DYNLT2: variants seen among roughly 807,000 people sequenced by gnomAD.
The protein encoded by DYNLT2 is dynein light chain Tctex-type 2.
DYNLT2 carries 24 observed loss-of-function variants against 24.3 expected under a neutral mutation model. That is an observed-to-expected ratio of 0.99 (90% CI 0.71 to 1.39). The LOEUF is 1.39. Ranked by LOEUF, DYNLT2 falls within the 40% of genes most tolerant of loss-of-function variation. DYNLT2 has a pLI of 0.00. For synonymous variants in DYNLT2, 85 were observed against 85.4 expected, an observed-to-expected ratio of 1.00 and a Z score of 0.03; for missense variants, 246 against 234.5, an observed-to-expected ratio of 1.05 and a Z score of -0.32.
chr6:169,731,007 A>G, the DYNLT2 span, among the ~76,000 whole-genome samples: 1 of 152,188 alleles, frequency 6.6e-6, no homozygotes, highest in African/African-American at 2.4e-5. Flanking sequence ...GCCTAGGTGG[A>G]GGAGCCTAGG....
intron 1 of DYNLT2, among the ~76,000 whole-genome samples, chr6:169,745,800 A>T (rs750707337): frequency 2.6e-5 from 4 of 152,158 alleles, no homozygotes; most frequent in Non-Finnish European, 5.9e-5. Context: ...AATGAGTTAG[A>T]CAGTATTCTC....
At chr6:169,748,234 G>A (rs1789856034) in intron 1 of DYNLT2, among the ~76,000 whole-genome samples, 1 of 152,142 alleles carries the variant, frequency 6.6e-6, no homozygotes, top group Non-Finnish European at 1.5e-5. Context: ...GGGGCGGTTT[G>A]TGCATCCCTG....
At chr6:169,747,997 A>G (rs1353475010) in intron 1 of DYNLT2, among the ~76,000 whole-genome samples, 5 of 152,058 alleles carry the variant, frequency 3.3e-5, no homozygotes, top group Admixed American at 3.3e-4. Context: ...CTTGTTCTCT[A>G]TTTTTTCCCA....
chr6:169,751,299 G>T, intron 1 of DYNLT2, 40 bp downstream of exon 1: 1 of 1,598,076 alleles, frequency 6.3e-7, no homozygotes, highest in Non-Finnish European at 8.5e-7. Context: ...TAAACGGTCG[G>T]ACATAGCCGT....
chr6:169,733,468 T>C, the DYNLT2 span, among the ~76,000 whole-genome samples: 2 of 152,186 alleles, frequency 1.3e-5, no homozygotes, highest in African/African-American at 2.4e-5. Flanking sequence ...TTGTATAAGG[T>C]GTAAGGAAGG....
the DYNLT2 span, among the ~76,000 whole-genome samples, chr6:169,731,530 C>T: frequency 1.3e-5 from 2 of 152,104 alleles, no homozygotes; most frequent in Non-Finnish European, 2.9e-5. Context: ...TGAATACCAG[C>T]CCCCCAATAC....
At chr6:169,729,930 C>A in the DYNLT2 span, among the ~76,000 whole-genome samples, 19 of 151,836 alleles carry the variant, frequency 1.3e-4, no homozygotes, top group African/African-American at 4.6e-4. Flanking sequence ...GTTTAAGCAA[C>A]CCAGTCTAAG....
At position 169,743,072 on chromosome 6, in the gene DYNLT2, G is replaced by A; in HGVS notation, c.486+8C>T. 2 of 1,529,294 alleles carry A rather than the reference G, an allele frequency of 1.3e-6. No individual in the cohort carries two copies. Among genetic ancestry groups the A allele is most frequent in the South Asian group, 1.3e-5 (1 of 76,832 alleles). The allele number at this position is 1,529,294 out of a possible 1,614,324, so 94.7% of individuals were successfully genotyped here. The stretch of plus-strand genomic sequence containing the variant: ...AATTGCTAGATCCTGTATCAATGGG[G>A]TACTTACATTTATTGCTTGGCCAGT... On this transcript the variant is annotated splice_region_variant and intron_variant, in intron 3 of 3. Transcript: ENST00000366774.
the DYNLT2 span, among the ~76,000 whole-genome samples, chr6:169,726,468 TG>T: frequency 1.3e-5 from 2 of 152,008 alleles, no homozygotes; most frequent in African/African-American, 4.8e-5. Context: ...GGCTGAGGGG[TG>T]GGAAAATAGA....
At chr6:169,749,301 A>T (rs1789887199) in intron 1 of DYNLT2, among the ~76,000 whole-genome samples, 1 of 152,156 alleles carries the variant, frequency 6.6e-6, no homozygotes, top group Non-Finnish European at 1.5e-5. Context: ...GGGTTTTGGC[A>T]TGTTGGCCAG....
At chr6:169,746,360 C>T (rs999212133) in intron 1 of DYNLT2, among the ~76,000 whole-genome samples, 6 of 152,142 alleles carry the variant, frequency 3.9e-5, no homozygotes, top group African/African-American at 1.4e-4. Context: ...TATATGCACA[C>T]ATTCAATACT....
Position 169,743,925 on chromosome 6 carries a change from C to A in DYNLT2, c.327+143G>T. 6.7e-6 allele frequency: 5 copies of A among 745,212 alleles called. 1 individual carries two copies. The highest frequency in any genetic ancestry group is 1.1e-5 in the Non-Finnish European group (5 of 463,686). The allele number at this position is 745,212 out of a possible 1,614,324, so 46.2% of individuals were successfully genotyped here. On this transcript the variant is annotated intron_variant, in intron 2 of 3. Coordinates refer to ENST00000366774, the MANE Select transcript of DYNLT2 (RefSeq NM_174910.3). ...ATCTCTGATTAACTAACTTGTTGTG[C>A]CTGCACCAATGACACAATACCTTCT...
downstream of DYNLT2, among the ~76,000 whole-genome samples, chr6:169,736,044 T>G (rs1403710018): frequency 6.6e-6 from 1 of 152,162 alleles, no homozygotes; most frequent in African/African-American, 2.4e-5. Flanking sequence ...CATAGTGCCC[T>G]TCTTTTTTGA....
intron 1 of DYNLT2, among the ~76,000 whole-genome samples, chr6:169,744,760 GAA>G (rs1789757313): frequency 6.6e-6 from 1 of 152,152 alleles, no homozygotes; most frequent in African/African-American, 2.4e-5. Flanking sequence ...GTCTTAAGGT[GAA>G]AAGACACCAA....
At chr6:169,738,898 T>A (rs7752261), downstream of DYNLT2, 29,266 of 152,050 alleles carry the variant, frequency 0.19, 3,777 homozygotes, top group East Asian at 0.64. Flanking sequence ...GCAGCCAAAC[T>A]CCATTTGGAT....
chr6:169,725,531 C>G, the DYNLT2 span: 4 of 392,638 alleles, frequency 1.0e-5, no homozygotes, highest in African/African-American at 2.1e-5. Context: ...TGTCCCACCA[C>G]GTGCAGGTGT....
chr6:169,747,122 A>T (rs1789825931), intron 1 of DYNLT2, among the ~76,000 whole-genome samples: 1 of 151,770 alleles, frequency 6.6e-6, no homozygotes, highest in Non-Finnish European at 1.5e-5. Flanking sequence ...ATTTTCTTTC[A>T]ATCCTTAAAG....
intron 1 of DYNLT2, among the ~76,000 whole-genome samples, 199 bp from the exon 2 acceptor site, chr6:169,744,473 T>A (rs543539654): frequency 1.3e-5 from 2 of 150,952 alleles, no homozygotes; most frequent in East Asian, 1.9e-4. Flanking sequence ...CAAAAAAAAA[T>A]AGGAATACTA....
the DYNLT2 span, among the ~76,000 whole-genome samples, chr6:169,732,177 G>T: frequency 6.6e-6 from 1 of 151,910 alleles, no homozygotes; most frequent in Non-Finnish European, 1.5e-5. Flanking sequence ...ATGGTGGAGT[G>T]ATTTTTTTTT....
Sources: gnomAD v4.1 joint callset for allele counts (sites outside exome capture counted in the v4.1 genomes callset) on GRCh38, gnomAD v4.1.1 for gene constraint, MANE v1.5 for transcripts, NCBI Gene and HGNC (gene_info 2026-07-23, HGNC 2026-07-21) for gene names.